The following NPFFR2 variants were observed in gnomAD, a reference collection of about 807,000 sequenced individuals.
NPFFR2 encodes the protein neuropeptide FF receptor 2.
In NPFFR2, 15 loss-of-function variants were observed where a neutral mutation model predicts 13.1. That is an observed-to-expected ratio of 1.15 (90% CI 0.77 to 1.76). The LOEUF (loss-of-function observed/expected upper bound fraction) is 1.76. Ranked by LOEUF, NPFFR2 falls within the 40% of genes most tolerant of loss-of-function variation. The probability of loss-of-function intolerance (pLI) is 0.00; values close to 1 mark genes in which losing one functional copy is unlikely to be tolerated. For missense variants in NPFFR2, 572 were observed against 503.5 expected, an observed-to-expected ratio of 1.14 and a Z score of -1.30; for synonymous variants, 190 against 175.7, an observed-to-expected ratio of 1.08 and a Z score of -0.65.
At chr4:72,070,455 A>T (rs1159741295) in intron 1 of NPFFR2, among the ~76,000 whole-genome samples, 1 of 151,966 alleles carries the variant, frequency 6.6e-6, no homozygotes, top group Non-Finnish European at 1.5e-5. Context: ...TAAGAAAATT[A>T]TCCTTGGCTA....
intron 3 of NPFFR2, among the ~76,000 whole-genome samples, chr4:72,138,491 T>G (rs1171829389): frequency 2.7e-5 from 4 of 147,110 alleles, no homozygotes; most frequent in African/African-American, 9.9e-5. Context: ...TATTCCCACC[T>G]ATGAGTGAGA....
In NPFFR2 at chr4:72,147,130, T is replaced by C. The variant is rs778184526; in HGVS notation, c.581T>C (p.Leu194Pro). ...VQEEKYYRVR[L>P]NSQNKTSPVY... ...GAAGAAAAATATTACCGAGTGAGAC[T>C]CAACTCCCAGAATAAAACCAGTCCA... The change falls in exon 4 of 4, where the codon CTC becomes CCC. Residue 194 changes from leucine to proline, a missense_variant. Physicochemically the swap from Leu to Pro is moderately conservative, Grantham distance 98. Transcript: ENST00000308744. 1.9e-6 allele frequency: 3 copies of C among 1,614,152 alleles called. No individual in the cohort carries two copies. The South Asian group carries it at 3.3e-5, about 18-fold the overall frequency.
At chr4:72,105,685 G>C (rs1393807794) in intron 1 of NPFFR2, among the ~76,000 whole-genome samples, 1 of 151,890 alleles carries the variant, frequency 6.6e-6, no homozygotes, top group African/African-American at 2.4e-5. Context: ...TTCTTGAAAA[G>C]AGCATATCTT....
chr4:72,034,622 A>C (rs1403940842), intron 1 of NPFFR2, among the ~76,000 whole-genome samples: 1 of 152,212 alleles, frequency 6.6e-6, no homozygotes, highest in Non-Finnish European at 1.5e-5. Context: ...AATCTTAACA[A>C]ATTGTTCTCT....
chr4:72,034,233 T>A (rs1306295113), intron 1 of NPFFR2, among the ~76,000 whole-genome samples: 5 of 152,224 alleles, frequency 3.3e-5, no homozygotes, highest in African/African-American at 1.2e-4. Context: ...TCTATTCTCA[T>A]GCTGCTATAA....
In NPFFR2 at chr4:72,082,582, T is replaced by A. The variant is rs190664476; in HGVS notation, c.-7-46003T>A. ...TATGGTGTACATTGATGGTTTGATA[T>A]ATATGTATTGTGGAATGATTACATC... On this transcript the variant is annotated intron_variant, in intron 1 of 3. Transcript: ENST00000308744. Among the ~76,000 whole-genome samples, 30 of 152,308 alleles carry A rather than the reference T, an allele frequency of 2.0e-4. No individual in the cohort carries two copies. The East Asian group carries it at 5.6e-3, about 28-fold the overall frequency.
chr4:72,132,926 T>A (rs1412200545), intron 2 of NPFFR2, among the ~76,000 whole-genome samples: 1 of 152,224 alleles, frequency 6.6e-6, no homozygotes, highest in Non-Finnish European at 1.5e-5. Flanking sequence ...TTGCAAAAAT[T>A]TTCTCTCAGT....
Position 72,147,770 on chromosome 4 carries a change from G to T in NPFFR2, c.1221G>T (p.Val407=). ...CTGAAAAACCCCAACAGGAATTAGT[G>T]ATGGAAGAATTAAAAGAAACTACTA... ...KSAEKPQQEL[V]MEELKETTNS... The change falls in exon 4 of 4, where the codon GTG becomes GTT. Residue 407 remains valine (V), a synonymous_variant. Transcript: ENST00000308744. 6.3e-7 allele frequency: 1 copy of T among 1,587,104 alleles called. No individual in the cohort carries two copies. The highest frequency in any genetic ancestry group is 8.5e-7 in the Non-Finnish European group (1 of 1,173,218).
At chr4:72,065,524 A>G (rs1158988301) in intron 1 of NPFFR2, among the ~76,000 whole-genome samples, 2 of 152,238 alleles carry the variant, frequency 1.3e-5, no homozygotes, top group Non-Finnish European at 2.9e-5. Flanking sequence ...ATATGTTAGT[A>G]TAATTACTGA....
chr4:72,079,761 A>G (rs1413894982), intron 1 of NPFFR2, among the ~76,000 whole-genome samples: 2 of 152,228 alleles, frequency 1.3e-5, no homozygotes, highest in Non-Finnish European at 2.9e-5. Flanking sequence ...AACTCAGTGT[A>G]CAAACAACCC....
chr4:72,113,856 C>A (rs776691468), intron 1 of NPFFR2, among the ~76,000 whole-genome samples: 1 of 152,016 alleles, frequency 6.6e-6, no homozygotes, highest in African/African-American at 2.4e-5. Context: ...ACTCACACAG[C>A]AGAGGAATAT....
intron 1 of NPFFR2, among the ~76,000 whole-genome samples, chr4:72,103,106 A>G (rs1379003036): frequency 6.6e-6 from 1 of 152,102 alleles, no homozygotes; most frequent in African/African-American, 2.4e-5. Flanking sequence ...TTTGATTTGC[A>G]TTTTGAATGA....
At chr4:72,076,209 T>C (rs1720432618) in intron 1 of NPFFR2, among the ~76,000 whole-genome samples, 1 of 151,188 alleles carries the variant, frequency 6.6e-6, no homozygotes, top group African/African-American at 2.4e-5. Flanking sequence ...TTAAAGCAAA[T>C]ACATTTTTGG....
intron 1 of NPFFR2, among the ~76,000 whole-genome samples, chr4:72,100,883 G>A (rs1195776370): frequency 1.3e-5 from 2 of 152,056 alleles, no homozygotes; most frequent in South Asian, 4.2e-4. Flanking sequence ...ATGATTTATT[G>A]TATGGCTGTT....
At chr4:72,126,218 A>G (rs1722040383) in intron 1 of NPFFR2, among the ~76,000 whole-genome samples, 1 of 152,208 alleles carries the variant, frequency 6.6e-6, no homozygotes, top group African/African-American at 2.4e-5. Flanking sequence ...TTTTTCACTG[A>G]AAAGTTACAA....
chr4:72,077,638 A>G (rs915832931), intron 1 of NPFFR2, among the ~76,000 whole-genome samples: 4 of 152,164 alleles, frequency 2.6e-5, no homozygotes, highest in Admixed American at 6.6e-5. Context: ...AAATTGCTGC[A>G]GATCTTGACA....
chr4:72,057,208 G>A (rs1299916257), intron 1 of NPFFR2, among the ~76,000 whole-genome samples: 3 of 137,704 alleles, frequency 2.2e-5, no homozygotes, highest in African/African-American at 7.9e-5. Context: ...CATCATCATT[G>A]ACTCAGGTGG....
intron 1 of NPFFR2, among the ~76,000 whole-genome samples, chr4:72,085,953 T>A (rs969530049): frequency 2.0e-5 from 3 of 152,100 alleles, no homozygotes; most frequent in African/African-American, 7.2e-5. Flanking sequence ...TCTTATAAAC[T>A]GGAAGAGAGC....
intron 2 of NPFFR2, among the ~76,000 whole-genome samples, chr4:72,135,944 C>G (rs1722397171): frequency 6.6e-6 from 1 of 151,750 alleles, no homozygotes; most frequent in Admixed American, 6.6e-5. Context: ...TTTGGGATAT[C>G]CATCACCTCA....
Sources: allele counts gnomAD v4.1 joint callset (sites outside exome capture counted in the v4.1 genomes callset), GRCh38; gene constraint gnomAD v4.1.1; transcripts MANE v1.5; gene names NCBI Gene and HGNC (gene_info 2026-07-23, HGNC 2026-07-21).